Variants in TXNRD3 observed in about 807,000 individuals in gnomAD.
The protein encoded by TXNRD3 is thioredoxin reductase 3, also known as TXNRD3 neighbor gene protein.
In TXNRD3, 68 loss-of-function variants were observed where a neutral mutation model predicts 78.2. The ratio of observed to expected loss-of-function variants is 0.87; its 90% CI spans 0.72 to 1.06. The LOEUF (loss-of-function observed/expected upper bound fraction) is 1.06, where lower values mean the gene tolerates loss of function less well. TXNRD3 is among the 50% of genes least tolerant of loss of function. The probability of loss-of-function intolerance (pLI) is 0.00; values close to 1 mark genes in which losing one functional copy is unlikely to be tolerated. For synonymous variants in TXNRD3, 296 were observed against 300.1 expected, an observed-to-expected ratio of 0.99 and a Z score of 0.14; for missense variants, 751 against 809.5, an observed-to-expected ratio of 0.93 and a Z score of 0.88.
chr3:126,646,347 A>G, intron 2 of TXNRD3, 127 bp from the exon 3 acceptor site: 1 of 615,558 alleles, frequency 1.6e-6, no homozygotes, highest in Non-Finnish European at 2.5e-6. Context: ...GTGTTATATA[A>G]CTTTATGAAA....
At chr3:126,637,055 G>A (rs956624916) in intron 6 of TXNRD3, among the ~76,000 whole-genome samples, 2 of 152,074 alleles carry the variant, frequency 1.3e-5, no homozygotes, top group Non-Finnish European at 2.9e-5. Context: ...TACAGGAAGT[G>A]CCTGTTACTT....
At chr3:126,609,288 G>A in intron 14 of TXNRD3, 1 of 234,982 alleles carries the variant, frequency 4.3e-6, no homozygotes, top group Admixed American at 3.9e-5. Context: ...GACTATAAAA[G>A]GGCAACGGAG....
rs938072331 is a variant in TXNRD3, at chr3:126,647,222, A to T, written c.304+14T>A. On this transcript the variant is annotated intron_variant, in intron 2 of 15. Transcript: ENST00000524230. ...TTATTATAAACAACACTATGTTGTA[A>T]CTGGTCTACTTACCAACTTGATCAA... 6.5e-6 allele frequency: 10 copies of T among 1,528,768 alleles called. No individual in the cohort carries two copies. The African/African-American group carries it at 1.2e-4, about 19-fold the overall frequency. 94.7% of individuals were successfully genotyped at this position (1,528,768 alleles called of 1,614,324 possible).
Position 126,655,078 on chromosome 3 carries a change from G to A in TXNRD3, c.-88C>T. ...GCGCCGGGACGGGGCCTGAGGGGCG[G>A]CGAACGCTGCCCTCGCTGGCCACTC... On this transcript the variant is annotated 5_prime_UTR_variant, in exon 1 of 16. Coordinates refer to ENST00000524230, the MANE Select transcript of TXNRD3 (RefSeq NM_052883.3). The A allele has an allele frequency of 7.7e-7, 1 of 1,295,756 alleles. No homozygotes were observed. Among genetic ancestry groups the A allele is most frequent in the South Asian group, 2.1e-5 (1 of 46,546 alleles). 80.3% of individuals were successfully genotyped at this position (1,295,756 alleles called of 1,614,324 possible).
chr3:126,647,174 A>G (rs988714641), intron 2 of TXNRD3, 62 bp downstream of exon 2: 3 of 1,276,866 alleles, frequency 2.3e-6, no homozygotes, highest in Admixed American at 2.3e-5. Context: ...AAGTAAATGG[A>G]AAGAAGTCAA....
intron 9 of TXNRD3, 68 bp downstream of exon 9, chr3:126,630,644 G>A (rs1182439994): frequency 7.1e-7 from 1 of 1,400,196 alleles, no homozygotes; most frequent in African/African-American, 1.4e-5. Flanking sequence ...TTTATGTAAT[G>A]AAATGAAGTA....
intron 6 of TXNRD3, among the ~76,000 whole-genome samples, chr3:126,640,991 G>A (rs1198518532): frequency 2.0e-5 from 3 of 152,038 alleles, no homozygotes; most frequent in African/African-American, 7.2e-5. Flanking sequence ...CTTGCCCAAA[G>A]GCCATCACAA....
intron 4 of TXNRD3, 91 bp downstream of exon 4, chr3:126,644,205 TA>T (rs1933169669): frequency 1.5e-6 from 2 of 1,370,284 alleles, no homozygotes; most frequent in African/African-American, 2.9e-5. Context: ...GCTTAAACTG[TA>T]ACATTAGTTT....
intron 6 of TXNRD3, among the ~76,000 whole-genome samples, chr3:126,641,222 GT>G (rs1261153988): frequency 1.3e-5 from 2 of 152,100 alleles, no homozygotes; most frequent in South Asian, 2.1e-4. Context: ...TCTTTAGGGA[GT>G]TTTTTTCTGC....
At chr3:126,618,716 G>A (rs890303586) in intron 12 of TXNRD3, among the ~76,000 whole-genome samples, 1 of 151,574 alleles carries the variant, frequency 6.6e-6, no homozygotes, top group African/African-American at 2.4e-5. Flanking sequence ...CAAATGAGAC[G>A]GTATCAAACT....
chr3:126,633,806 C>T lies in TXNRD3; in HGVS notation c.855+103G>A, dbSNP rs1021802294. 22 of 843,874 alleles carry T rather than the reference C, an allele frequency of 2.6e-5. 1 individual carries two copies. Among genetic ancestry groups the T allele is most frequent in the Non-Finnish European group, 3.3e-5 (20 of 597,200 alleles). The allele number at this position is 843,874 out of a possible 1,614,324, so 52.3% of individuals were successfully genotyped here. ...GGCCGTGTGTGTGTGTGTGCACGCA[C>T]GCCTGTTACACCCCTTAACATGCAA... On this transcript the variant is annotated intron_variant, in intron 7 of 15. Transcript: ENST00000524230.
chr3:126,654,320 T>G lies in TXNRD3; in HGVS notation c.243+428A>C, dbSNP rs912933941. 4.6e-5 allele frequency among the ~76,000 whole-genome samples: 7 copies of G among 152,226 alleles called. No homozygotes were observed. In the East Asian group the frequency reaches 1.3e-3, roughly 29 times the overall value. ...TCCTAAACGTTGAAAGTCTGTACCTTACACGTAGGTTATCACCCAAAGGCT... is the reference window on the plus strand; with the variant it reads ...TCCTAAACGTTGAAAGTCTGTACCTGACACGTAGGTTATCACCCAAAGGCT... On this transcript the variant is annotated intron_variant, in intron 1 of 15. Transcript: ENST00000524230.
At chr3:126,641,572 G>T (rs550409337) in intron 6 of TXNRD3, among the ~76,000 whole-genome samples, 1 of 152,212 alleles carries the variant, frequency 6.6e-6, no homozygotes, top group South Asian at 2.1e-4. Context: ...CGGACTACAT[G>T]CTGCTTACAG....
intron 1 of TXNRD3, among the ~76,000 whole-genome samples, chr3:126,653,322 G>A (rs1198508231): frequency 6.6e-6 from 1 of 151,992 alleles, no homozygotes; most frequent in Non-Finnish European, 1.5e-5. Context: ...CATAACCAAA[G>A]AATAAGCATC....
Position 126,613,551 on chromosome 3 carries a change from C to T in TXNRD3, c.1632+1804G>A, listed in dbSNP as rs567006192. Among the ~76,000 whole-genome samples the T allele has an allele frequency of 1.5e-4, 23 of 152,364 alleles. No individual in the cohort carries two copies. The South Asian group carries it at 4.1e-3, about 27-fold the overall frequency. On this transcript the variant is annotated intron_variant, in intron 13 of 15. Transcript: ENST00000524230. ...TAAATACACTCACACTTCCTCCCAT[C>T]CCCAATCATGCACTGCATGTGTTGC...
chr3:126,650,878 A>C (rs1933371605), intron 1 of TXNRD3, among the ~76,000 whole-genome samples: 1 of 152,186 alleles, frequency 6.6e-6, no homozygotes, highest in Non-Finnish European at 1.5e-5. Context: ...CACAGAAGCC[A>C]CTGTTTTATC....
chr3:126,631,922 A>G (rs1938724563), intron 7 of TXNRD3, 43 bp from the exon 8 acceptor site: 4 of 1,319,892 alleles, frequency 3.0e-6, no homozygotes, highest in Non-Finnish European at 4.2e-6. Flanking sequence ...AACACTACAG[A>G]GTACCAGACA....
chr3:126,627,849 T>C (rs1287438916), intron 10 of TXNRD3, among the ~76,000 whole-genome samples: 1 of 152,104 alleles, frequency 6.6e-6, no homozygotes, highest in Admixed American at 6.5e-5. Context: ...TGAGGAAACA[T>C]ACTCCAAAAT....
At chr3:126,642,752 G>A (rs1345315038) in intron 5 of TXNRD3, among the ~76,000 whole-genome samples, 1 of 152,172 alleles carries the variant, frequency 6.6e-6, no homozygotes, top group Non-Finnish European at 1.5e-5. Context: ...CACACCACAA[G>A]AACATTATGA....
Sources: gnomAD v4.1 joint callset for allele counts (sites outside exome capture counted in the v4.1 genomes callset) on GRCh38, gnomAD v4.1.1 for gene constraint, MANE v1.5 for transcripts, NCBI Gene and HGNC (gene_info 2026-07-23, HGNC 2026-07-21) for gene names.